The following CACNA2D3 variants were observed in gnomAD, a reference collection of about 807,000 sequenced individuals.
CACNA2D3 encodes the protein calcium voltage-gated channel auxiliary subunit alpha2delta 3.
CACNA2D3 carries 60 observed loss-of-function variants against 160.6 expected under a neutral mutation model. The ratio of observed to expected loss-of-function variants is 0.37; its 90% confidence interval spans 0.30 to 0.46. CACNA2D3 has a LOEUF of 0.46. Ranked by LOEUF, CACNA2D3 falls within the 20% of genes least tolerant of loss-of-function variation. The probability of loss-of-function intolerance (pLI) is 1.00; values close to 1 mark genes in which losing one functional copy is unlikely to be tolerated. For synonymous variants in CACNA2D3, 558 were observed against 492.9 expected (o/e 1.13, Z -1.75); for missense variants, 1,205 against 1,365.0 (o/e 0.88, Z 1.85).
At chr3:54,141,260 C>T (rs1485357173) in intron 2 of CACNA2D3, among the ~76,000 whole-genome samples, 5 of 151,974 alleles carry the variant, frequency 3.3e-5, no homozygotes, top group Non-Finnish European at 7.4e-5. Flanking sequence ...ACCACAGAGT[C>T]CCCCTAGGAA....
chr3:54,929,482 C>A (rs1410959497), intron 27 of CACNA2D3, among the ~76,000 whole-genome samples: 1 of 152,272 alleles, frequency 6.6e-6, no homozygotes, highest in South Asian at 2.1e-4. Context: ...TTGAAAACAT[C>A]AAATTTTGAT....
At chr3:54,213,078 T>C (rs1701404248) in intron 2 of CACNA2D3, among the ~76,000 whole-genome samples, 1 of 152,124 alleles carries the variant, frequency 6.6e-6, no homozygotes, top group Non-Finnish European at 1.5e-5. Flanking sequence ...ATCAATTGTT[T>C]ATTGTGACCA....
intron 17 of CACNA2D3, among the ~76,000 whole-genome samples, chr3:54,860,626 C>T (rs554314517): frequency 4.5e-4 from 68 of 152,268 alleles, no homozygotes; most frequent in Non-Finnish European, 3.5e-4. Context: ...ATTCTAGGGA[C>T]CTGGTTAATG....
intron 11 of CACNA2D3, among the ~76,000 whole-genome samples, chr3:54,738,308 C>T (rs1450357041): frequency 6.6e-6 from 1 of 152,174 alleles, no homozygotes; most frequent in Non-Finnish European, 1.5e-5. Flanking sequence ...CTCAAACTTA[C>T]TCTTCTAGGA....
rs1559563720 is a variant in CACNA2D3, at chr3:54,736,087, G to GTATATATATACATACATATATATA, written c.1168-16511_1168-16510insATATATATACATACATATATATAT. Reference sequence around the variant, plus strand: ...TATATATATATACATATATATGTATGTGTATATATATACATATATATGTAT... The same window carrying GTATATATATACATACATATATATA: ...TATATATATATACATATATATGTATGTATATATATACATACATATATATATGTATATATATACATATATATGTAT... On this transcript the variant is annotated intron_variant, in intron 11 of 37. Transcript: ENST00000474759. Among the ~76,000 whole-genome samples the GTATATATATACATACATATATATA allele has an allele frequency of 2.0e-4, 4 of 20,240 alleles. 1 individual carries two copies. Among genetic ancestry groups the GTATATATATACATACATATATATA allele is most frequent in the African/African-American group, 6.5e-4 (4 of 6,186 alleles). 13.3% of individuals were successfully genotyped at this position (20,240 alleles called of 152,430 possible).
chr3:54,862,826 T>C (rs1699321031), intron 17 of CACNA2D3, among the ~76,000 whole-genome samples: 1 of 152,220 alleles, frequency 6.6e-6, no homozygotes, highest in Non-Finnish European at 1.5e-5. Flanking sequence ...GTAGTGTTGA[T>C]GGATACTACT....
intron 4 of CACNA2D3, among the ~76,000 whole-genome samples, chr3:54,423,832 C>G (rs1465795211): frequency 6.6e-6 from 1 of 152,096 alleles, no homozygotes; most frequent in Non-Finnish European, 1.5e-5. Context: ...AGCACAGGCT[C>G]CATATTCAGG....
intron 2 of CACNA2D3, among the ~76,000 whole-genome samples, chr3:54,200,490 A>AAGTG (rs1377030084): frequency 6.6e-6 from 1 of 152,238 alleles, no homozygotes; most frequent in Non-Finnish European, 1.5e-5. Flanking sequence ...AATATTTGTG[A>AAGTG]AGTGGAATAA....
chr3:54,233,262 A>G (rs1701811600), intron 2 of CACNA2D3, among the ~76,000 whole-genome samples: 2 of 152,150 alleles, frequency 1.3e-5, no homozygotes, highest in African/African-American at 4.8e-5. Flanking sequence ...CTCTCGTATC[A>G]CCAGGGCCTG....
chr3:54,483,674 A>G (rs1700969747), intron 4 of CACNA2D3, among the ~76,000 whole-genome samples: 1 of 152,240 alleles, frequency 6.6e-6, no homozygotes, highest in Non-Finnish European at 1.5e-5. Context: ...AGAGAGAAAA[A>G]TATCACAGTC....
At chr3:54,561,328 T>C (rs2106703907) in intron 5 of CACNA2D3, among the ~76,000 whole-genome samples, 1 of 152,332 alleles carries the variant, frequency 6.6e-6, no homozygotes, top group South Asian at 2.1e-4. Flanking sequence ...CTTTATTCTT[T>C]TTGTGGCAGT....
At chr3:54,931,113 A>G (rs1287996032) in intron 27 of CACNA2D3, among the ~76,000 whole-genome samples, 1 of 152,186 alleles carries the variant, frequency 6.6e-6, no homozygotes, top group Non-Finnish European at 1.5e-5. Context: ...AACAAAAAAC[A>G]AAGTGGCATC....
At chr3:54,945,018 C>T (rs976222909) in intron 27 of CACNA2D3, among the ~76,000 whole-genome samples, 1 of 152,138 alleles carries the variant, frequency 6.6e-6, no homozygotes, top group Admixed American at 6.5e-5. Flanking sequence ...TCAATGAAAA[C>T]TTAGCCAAAC....
At chr3:54,815,799 G>A (rs1032543872) in intron 13 of CACNA2D3, among the ~76,000 whole-genome samples, 2 of 152,308 alleles carry the variant, frequency 1.3e-5, no homozygotes, top group East Asian at 3.9e-4. Context: ...ATGCAAAGAC[G>A]TAATACAGTG....
chr3:54,326,488 G>A (rs550970772), intron 3 of CACNA2D3, among the ~76,000 whole-genome samples: 3 of 152,192 alleles, frequency 2.0e-5, no homozygotes, highest in Admixed American at 2.0e-4. Context: ...ATATCTATAG[G>A]GACTATATGA....
chr3:54,927,652 A>G (rs1364531569), intron 27 of CACNA2D3, among the ~76,000 whole-genome samples: 1 of 152,184 alleles, frequency 6.6e-6, no homozygotes, highest in African/African-American at 2.4e-5. Flanking sequence ...TACAAGCACC[A>G]TGTTTCCTAT....
chr3:54,590,488 G>A (rs376895855), intron 9 of CACNA2D3, among the ~76,000 whole-genome samples: 2 of 152,110 alleles, frequency 1.3e-5, no homozygotes, highest in African/African-American at 4.8e-5. Context: ...TGTGGTGGTG[G>A]AACTGTTCTG....
At chr3:54,238,674 T>C (rs960598467) in intron 2 of CACNA2D3, among the ~76,000 whole-genome samples, 10 of 152,138 alleles carry the variant, frequency 6.6e-5, no homozygotes, top group African/African-American at 2.4e-4. Flanking sequence ...ACACAAAAGG[T>C]CATTTCCAAT....
chr3:54,402,184 A>T (rs1269527828), intron 4 of CACNA2D3, among the ~76,000 whole-genome samples: 2 of 152,206 alleles, frequency 1.3e-5, no homozygotes, highest in African/African-American at 4.8e-5. Context: ...AACTTACTAG[A>T]TTACAAAGAT....
Sources: gnomAD v4.1 joint callset for allele counts (sites outside exome capture counted in the v4.1 genomes callset) on GRCh38, gnomAD v4.1.1 for gene constraint, MANE v1.5 for transcripts, NCBI Gene and HGNC (gene_info 2026-07-23, HGNC 2026-07-21) for gene names.